Variants in SPON1 observed in about 807,000 individuals in gnomAD.
SPON1 encodes the protein spondin-1.
SPON1 carries 52 observed loss-of-function variants against 111.7 expected under a neutral mutation model. That is an observed-to-expected ratio of 0.47 (90% CI 0.37 to 0.59). The LOEUF is 0.59. Ranked by LOEUF, SPON1 falls within the 20% of genes least tolerant of loss-of-function variation. SPON1 has a pLI of 0.00. For synonymous variants in SPON1, 410 were observed against 395.8 expected (o/e 1.04, Z -0.43); for missense variants, 957 against 1,068.5 (o/e 0.90, Z 1.46).
At chr11:14,065,172 G>C (rs893169941) in intron 3 of SPON1, among the ~76,000 whole-genome samples, 1 of 152,170 alleles carries the variant, frequency 6.6e-6, no homozygotes, top group Admixed American at 6.5e-5. Context: ...ACCTGAGTGA[G>C]AGGAAACAGA....
chr11:14,200,288 A>C (rs1247467344), intron 6 of SPON1, among the ~76,000 whole-genome samples: 1 of 152,228 alleles, frequency 6.6e-6, no homozygotes, highest in Non-Finnish European at 1.5e-5. Flanking sequence ...TTAAGATCTC[A>C]GTTCTTTGCA....
At chr11:14,111,724 A>G (rs2133849166) in intron 5 of SPON1, among the ~76,000 whole-genome samples, 1 of 152,294 alleles carries the variant, frequency 6.6e-6, no homozygotes, top group Non-Finnish European at 1.5e-5. Flanking sequence ...CATCCTCCCA[A>G]TTTGCAAGGA....
chr11:14,168,999 T>C (rs1479909404), intron 6 of SPON1, among the ~76,000 whole-genome samples: 1 of 152,198 alleles, frequency 6.6e-6, no homozygotes, highest in Non-Finnish European at 1.5e-5. Flanking sequence ...TGATTTATAA[T>C]CCTTTGGGTA....
At chr11:13,963,241 G>T (rs1467345820) in intron 1 of SPON1, 99 bp downstream of exon 1, 16 of 900,906 alleles carry the variant, frequency 1.8e-5, no homozygotes, top group South Asian at 4.0e-5. Flanking sequence ...CTCCGGGCGC[G>T]TGGCGCGGGT....
At chr11:14,089,944 C>G (rs1849036563) in intron 5 of SPON1, among the ~76,000 whole-genome samples, 1 of 152,156 alleles carries the variant, frequency 6.6e-6, no homozygotes, top group South Asian at 2.1e-4. Flanking sequence ...CTCCTTAGCA[C>G]TGTCGGGGAA....
At chr11:14,174,506 G>A (rs375543309) in intron 6 of SPON1, among the ~76,000 whole-genome samples, 1 of 151,956 alleles carries the variant, frequency 6.6e-6, no homozygotes, top group African/African-American at 2.4e-5. Context: ...GGATTTATCT[G>A]CTTTTAATTC....
chr11:14,002,362 A>G (rs1294983751), intron 2 of SPON1, among the ~76,000 whole-genome samples: 3 of 152,152 alleles, frequency 2.0e-5, no homozygotes, highest in Non-Finnish European at 4.4e-5. Context: ...TGCATCTTTT[A>G]TAAGCATCTT....
intron 1 of SPON1, among the ~76,000 whole-genome samples, chr11:13,975,767 C>G (rs1235834898): frequency 6.6e-6 from 1 of 152,178 alleles, no homozygotes; most frequent in Non-Finnish European, 1.5e-5. Flanking sequence ...TTCCAGTGGT[C>G]CTTCATTGGC....
chr11:14,124,913 G>A (rs1184136279), intron 5 of SPON1, among the ~76,000 whole-genome samples: 1 of 152,180 alleles, frequency 6.6e-6, no homozygotes, highest in African/African-American at 2.4e-5. Flanking sequence ...CGGAAAAGTG[G>A]CACTTTCCTT....
At chr11:14,029,230 G>A (rs886203804) in intron 2 of SPON1, among the ~76,000 whole-genome samples, 20 of 152,044 alleles carry the variant, frequency 1.3e-4, no homozygotes, top group African/African-American at 4.6e-4. Context: ...CAGGCCAGCT[G>A]GGCTGGTACC....
At chr11:13,995,796 C>T (rs1342759634) in intron 2 of SPON1, among the ~76,000 whole-genome samples, 5 of 152,166 alleles carry the variant, frequency 3.3e-5, no homozygotes, top group African/African-American at 1.2e-4. Flanking sequence ...GGGTGGCCTC[C>T]TCTGTTTACC....
chr11:14,157,774 C>T (rs1847866519), intron 6 of SPON1, among the ~76,000 whole-genome samples: 1 of 151,948 alleles, frequency 6.6e-6, no homozygotes, highest in African/African-American at 2.4e-5. Flanking sequence ...TAGTCCTCTC[C>T]TCTGCTAGTC....
intron 7 of SPON1, among the ~76,000 whole-genome samples, chr11:14,249,444 C>T (rs553588853): frequency 2.6e-5 from 4 of 152,344 alleles, no homozygotes; most frequent in African/African-American, 9.6e-5. Context: ...ATAAACACAG[C>T]GTTTTCCAAC....
chr11:14,196,526 T>A (rs536229962), intron 6 of SPON1, among the ~76,000 whole-genome samples: 1 of 152,316 alleles, frequency 6.6e-6, no homozygotes, highest in Non-Finnish European at 1.5e-5. Context: ...TCAGTAAACA[T>A]TTGTAGAAGG....
At chr11:14,153,604 G>A (rs1847810909) in intron 6 of SPON1, among the ~76,000 whole-genome samples, 2 of 152,038 alleles carry the variant, frequency 1.3e-5, no homozygotes, top group Admixed American at 1.3e-4. Flanking sequence ...GATTCATGTG[G>A]GGACACAGAG....
intron 6 of SPON1, among the ~76,000 whole-genome samples, chr11:14,240,364 C>CA (rs1848912208): frequency 6.6e-6 from 1 of 152,046 alleles, no homozygotes. Context: ...AAATGATCAC[C>CA]AAAAAAGAGA....
intron 6 of SPON1, among the ~76,000 whole-genome samples, chr11:14,141,625 T>C (rs1254505945): frequency 6.6e-6 from 1 of 152,110 alleles, no homozygotes; most frequent in Non-Finnish European, 1.5e-5. Context: ...TGAGAAGCAA[T>C]AGACAAGCAG....
At chr11:14,085,331 A>G (rs1848997740) in intron 5 of SPON1, among the ~76,000 whole-genome samples, 2 of 152,166 alleles carry the variant, frequency 1.3e-5, no homozygotes. Context: ...TGTATAAGAT[A>G]TAAGGAAGGG....
chr11:14,246,866 G>T (rs1554940293), intron 7 of SPON1, among the ~76,000 whole-genome samples: 1 of 152,158 alleles, frequency 6.6e-6, no homozygotes, highest in East Asian at 1.9e-4. Context: ...CCCTAAAAAG[G>T]CAATGAAGCT....
Sources: gnomAD v4.1 joint callset for allele counts (sites outside exome capture counted in the v4.1 genomes callset) on GRCh38, gnomAD v4.1.1 for gene constraint, MANE v1.5 for transcripts, NCBI Gene and HGNC (gene_info 2026-07-23, HGNC 2026-07-21) for gene names.